Variants in PSD3 observed in about 807,000 individuals in gnomAD.
PSD3 encodes PH and SEC7 domain-containing protein 3.
In PSD3, 49 loss-of-function variants were observed where a neutral mutation model predicts 105.5. That is an observed-to-expected ratio of 0.46 (90% confidence interval 0.37 to 0.59). The LOEUF is 0.59. Among genes scored for constraint, PSD3 ranks in the 20% least tolerant of loss-of-function variants. PSD3 has a pLI of 0.00. For missense variants in PSD3, 1,561 were observed against 1,263.8 expected (o/e 1.24, Z -3.57); for synonymous variants, 557 against 457.8 (o/e 1.22, Z -2.77).
rs1809997393 is a variant in PSD3 at position 18,793,981 on chromosome 8, C to G, written c.2082+5314G>C. Among the ~76,000 whole-genome samples, 2 of 14,394 alleles carry G rather than the reference C, an allele frequency of 1.4e-4. 1 individual carries two copies. The highest frequency in any genetic ancestry group is 2.6e-4 in the African/African-American group (2 of 7,732). The allele number at this position is 14,394 out of a possible 152,430, so 9.4% of individuals were successfully genotyped here. ...AAAAGCAAGAGAGATCAGATTGTTA[C>G]TGTGTCTGTGTAGAAAGAAGTAGAC... On this transcript the variant is annotated intron_variant, in intron 8 of 15. Coordinates refer to ENST00000327040, the MANE Select transcript of PSD3 (RefSeq NM_015310.4).
chr8:19,035,860 T>C (rs1827925215), intron 1 of PSD3, among the ~76,000 whole-genome samples: 1 of 152,066 alleles, frequency 6.6e-6, no homozygotes, highest in Non-Finnish European at 1.5e-5. Context: ...GTTCAAGCCA[T>C]TCTTCTGCCT....
intron 2 of PSD3, among the ~76,000 whole-genome samples, chr8:18,933,642 A>G (rs1462317801): frequency 1.3e-5 from 2 of 151,946 alleles, no homozygotes; most frequent in African/African-American, 2.4e-5. Flanking sequence ...TAATTTTTAT[A>G]TTTTTAGTAG....
rs921141596 is a variant in PSD3 at position 18,683,132 on chromosome 8, C to T, written c.2173-27447G>A. Among the ~76,000 whole-genome samples the T allele has an allele frequency of 5.9e-5, 9 of 152,146 alleles. No individual in the cohort carries two copies. In the East Asian group the frequency reaches 1.5e-3, roughly 26 times the overall value. Reference sequence around the variant, plus strand: ...GTAATCACTCCCTTCACATTTCACACGAACAAAGATTATATTATCTTCAAG... The same window carrying T: ...GTAATCACTCCCTTCACATTTCACATGAACAAAGATTATATTATCTTCAAG... On this transcript the variant is annotated intron_variant, in intron 9 of 15. Transcript: ENST00000327040.
At chr8:19,019,573 C>T (rs1056614171) in intron 1 of PSD3, among the ~76,000 whole-genome samples, 1 of 152,042 alleles carries the variant, frequency 6.6e-6, no homozygotes, top group African/African-American at 2.4e-5. Context: ...AACATAAGTG[C>T]CAGTCTTATT....
At chr8:18,580,368 G>C (rs551024866) in intron 12 of PSD3, among the ~76,000 whole-genome samples, 10 of 152,022 alleles carry the variant, frequency 6.6e-5, no homozygotes, top group Non-Finnish European at 1.5e-4. Context: ...CCTGAACCAA[G>C]CCCTCCCCTG....
At chr8:18,990,827 A>G (rs1390288731) in intron 1 of PSD3, among the ~76,000 whole-genome samples, 2 of 152,204 alleles carry the variant, frequency 1.3e-5, no homozygotes, top group Non-Finnish European at 2.9e-5. Flanking sequence ...ATTCACGAAC[A>G]GATCAACCAA....
At chr8:18,674,672 A>G (rs1319577739) in intron 9 of PSD3, among the ~76,000 whole-genome samples, 1 of 152,142 alleles carries the variant, frequency 6.6e-6, no homozygotes, top group Non-Finnish European at 1.5e-5. Context: ...GAGTATTCCA[A>G]ATGGCCTTTT....
intron 9 of PSD3, among the ~76,000 whole-genome samples, chr8:18,763,902 T>G (rs907023304): frequency 3.9e-5 from 6 of 152,068 alleles, no homozygotes; most frequent in African/African-American, 1.4e-4. Flanking sequence ...AAAAAACAAA[T>G]AATACATACT....
At chr8:18,541,292 G>A (rs927691693) in intron 15 of PSD3, among the ~76,000 whole-genome samples, 2 of 151,370 alleles carry the variant, frequency 1.3e-5, no homozygotes, top group Non-Finnish European at 2.9e-5. Flanking sequence ...AGGAATAAGC[G>A]CCACTGAGTG....
intron 9 of PSD3, among the ~76,000 whole-genome samples, chr8:18,727,446 G>C (rs1477198135): frequency 2.6e-5 from 4 of 151,340 alleles, no homozygotes; most frequent in African/African-American, 7.3e-5. Context: ...GGAGGTGGAG[G>C]CTGCAGTAAG....
At chr8:18,542,733 G>A (rs1450895969) in intron 15 of PSD3, among the ~76,000 whole-genome samples, 1 of 152,112 alleles carries the variant, frequency 6.6e-6, no homozygotes, top group Admixed American at 6.5e-5. Flanking sequence ...AATAAGACTG[G>A]CCTTAATTCA....
chr8:19,020,818 C>T (rs547158017), intron 1 of PSD3, among the ~76,000 whole-genome samples: 3 of 152,222 alleles, frequency 2.0e-5, no homozygotes, highest in African/African-American at 7.2e-5. Flanking sequence ...GGGTTTGGGA[C>T]TGAACTACCA....
At chr8:18,720,285 G>A (rs1216955953) in intron 9 of PSD3, among the ~76,000 whole-genome samples, 1 of 152,108 alleles carries the variant, frequency 6.6e-6, no homozygotes, top group African/African-American at 2.4e-5. Context: ...AATCATTCCT[G>A]GCAACATGAA....
At chr8:18,954,193 G>A (rs551955541) in intron 1 of PSD3, among the ~76,000 whole-genome samples, 45 of 151,644 alleles carry the variant, frequency 3.0e-4, no homozygotes, top group Non-Finnish European at 6.2e-4. Context: ...ATATTAACAC[G>A]GCACATAAAC....
chr8:18,536,069 C>A (rs996596847), intron 15 of PSD3, 111 bp from the exon 16 acceptor site: 1 of 1,028,480 alleles, frequency 9.7e-7, no homozygotes, highest in Non-Finnish European at 1.4e-6. Context: ...TTGAAGACTT[C>A]GCTTCATTTC....
intron 1 of PSD3, among the ~76,000 whole-genome samples, chr8:19,074,872 G>C (rs1481096956): frequency 1.3e-5 from 2 of 151,426 alleles, no homozygotes; most frequent in Non-Finnish European, 2.9e-5. Context: ...CGCCTGCCTC[G>C]GCCTCCCAAC....
chr8:18,683,728 C>T lies in PSD3; in HGVS notation c.2173-28043G>A, dbSNP rs373775130. ...TGCCAAAGACTATCCAATTCTGTTG[C>T]CCTGCCACACAGCTGTCAATAAGGT... On this transcript the variant is annotated intron_variant, in intron 9 of 15. Coordinates refer to ENST00000327040, the MANE Select transcript of PSD3 (RefSeq NM_015310.4). The T allele has an allele frequency of 1.8e-4, 133 of 752,284 alleles. No individual in the cohort carries two copies. In the African/African-American group the frequency reaches 1.9e-3, roughly 11 times the overall value. 46.6% of individuals were successfully genotyped at this position (752,284 alleles called of 1,614,324 possible). A position where few individuals can be genotyped will look rare whatever the true frequency, so the allele number is the denominator to read the frequency against.
At chr8:18,808,693 AGAACCG>A in intron 4 of PSD3, 1 of 1,606,280 alleles carries the variant, frequency 6.2e-7, no homozygotes, top group Non-Finnish European at 8.5e-7. Context: ...TATTTGAACA[AGAACCG>A]GAATTGCTCC....
At chr8:18,939,812 G>A (rs1213845671) in intron 1 of PSD3, among the ~76,000 whole-genome samples, 1 of 152,056 alleles carries the variant, frequency 6.6e-6, no homozygotes, top group African/African-American at 2.4e-5. Context: ...ACCCATTAGT[G>A]GCTTGTAAAA....
Sources: gnomAD v4.1 joint callset for allele counts (sites outside exome capture counted in the v4.1 genomes callset) on GRCh38, gnomAD v4.1.1 for gene constraint, MANE v1.5 for transcripts, NCBI Gene and HGNC (gene_info 2026-07-23, HGNC 2026-07-21) for gene names.